The following PTPRD variants were observed in gnomAD, a reference collection of about 807,000 sequenced individuals.
PTPRD encodes the protein protein tyrosine phosphatase receptor type D, also known as receptor-type tyrosine-protein phosphatase delta.
A neutral mutation model predicts 214.5 loss-of-function variants in PTPRD; 34 were observed. That is an observed-to-expected ratio of 0.16 (90% CI 0.12 to 0.21). The LOEUF (loss-of-function observed/expected upper bound fraction) is 0.21, where lower values mean the gene tolerates loss of function less well. PTPRD is among the 10% of genes least tolerant of loss of function. The pLI is 1.00. For missense variants in PTPRD, 2,545 were observed against 2,398.7 expected, an observed-to-expected ratio of 1.06 and a Z score of -1.27; for synonymous variants, 1,128 against 845.7, an observed-to-expected ratio of 1.33 and a Z score of -5.79.
At chr9:9,832,249 A>G (rs954984576) in intron 5 of PTPRD, among the ~76,000 whole-genome samples, 5 of 152,002 alleles carry the variant, frequency 3.3e-5, no homozygotes, top group African/African-American at 1.2e-4. Context: ...AGCAGACGAA[A>G]GAGTATCTAC....
intron 3 of PTPRD, among the ~76,000 whole-genome samples, chr9:10,326,478 C>A (rs2096645042): frequency 6.6e-6 from 1 of 151,428 alleles, no homozygotes; most frequent in African/African-American, 2.4e-5. Flanking sequence ...TGCTAATGAG[C>A]CAAAGCCAAA....
At chr9:10,572,186 T>A (rs546090288) in intron 2 of PTPRD, among the ~76,000 whole-genome samples, 2 of 152,126 alleles carry the variant, frequency 1.3e-5, no homozygotes, top group Admixed American at 6.6e-5. Context: ...AAGTATAGAA[T>A]TTTTGGAAAA....
chr9:10,363,213 G>A (rs529034223), intron 2 of PTPRD, among the ~76,000 whole-genome samples: 9 of 152,198 alleles, frequency 5.9e-5, no homozygotes, highest in African/African-American at 1.9e-4. Flanking sequence ...TCTTGAATGA[G>A]GCCTGAAGTT....
At chr9:9,547,920 T>C (rs2079188036) in intron 8 of PTPRD, among the ~76,000 whole-genome samples, 1 of 151,920 alleles carries the variant, frequency 6.6e-6, no homozygotes, top group Non-Finnish European at 1.5e-5. Flanking sequence ...AGGCTTATTA[T>C]ATCAAAGAGA....
At chr9:9,328,150 A>G (rs1308142489) in intron 9 of PTPRD, among the ~76,000 whole-genome samples, 1 of 152,180 alleles carries the variant, frequency 6.6e-6, no homozygotes, top group East Asian at 1.9e-4. Flanking sequence ...TGACAAATCA[A>G]AAATTTAAAA....
chr9:8,675,362 T>C (rs1196280509), intron 12 of PTPRD, among the ~76,000 whole-genome samples: 1 of 151,904 alleles, frequency 6.6e-6, no homozygotes, highest in Non-Finnish European at 1.5e-5. Context: ...GTATAATAAA[T>C]GTTGACTATT....
At chr9:9,959,788 C>A (rs900182511) in intron 4 of PTPRD, among the ~76,000 whole-genome samples, 1 of 152,082 alleles carries the variant, frequency 6.6e-6, no homozygotes, top group African/African-American at 2.4e-5. Context: ...GCAGATAGAA[C>A]CAGCAGTGAG....
intron 7 of PTPRD, among the ~76,000 whole-genome samples, chr9:9,680,415 A>C (rs921480426): frequency 1.3e-5 from 2 of 151,882 alleles, no homozygotes; most frequent in African/African-American, 2.4e-5. Flanking sequence ...AAACATTTTC[A>C]AAAATTGCTA....
At chr9:10,443,303 G>A (rs1474060322) in intron 2 of PTPRD, among the ~76,000 whole-genome samples, 1 of 151,612 alleles carries the variant, frequency 6.6e-6, no homozygotes, top group East Asian at 1.9e-4. Context: ...AGTAATGTCT[G>A]ATGATAAATT....
intron 3 of PTPRD, among the ~76,000 whole-genome samples, chr9:10,231,240 T>A (rs899418266): frequency 1.3e-5 from 2 of 150,310 alleles, no homozygotes; most frequent in Admixed American, 1.3e-4. Flanking sequence ...GAAGAATATA[T>A]GAAATAATGA....
At chr9:8,694,001 C>A (rs1416573479) in intron 12 of PTPRD, among the ~76,000 whole-genome samples, 4 of 152,262 alleles carry the variant, frequency 2.6e-5, no homozygotes, top group East Asian at 1.9e-4. Flanking sequence ...CATTGGAAAT[C>A]TCAAAAGAAA....
chr9:8,498,493 G>C (rs2097325989), intron 25 of PTPRD, among the ~76,000 whole-genome samples: 2 of 152,132 alleles, frequency 1.3e-5, no homozygotes, highest in Admixed American at 1.3e-4. Context: ...GAGCAGGATG[G>C]TCTCGATCTC....
intron 11 of PTPRD, among the ~76,000 whole-genome samples, chr9:8,946,074 TC>T (rs1323974074): frequency 1.8e-4 from 28 of 152,266 alleles, no homozygotes; most frequent in African/African-American, 6.7e-4. Flanking sequence ...ACTAGGAACA[TC>T]CTTGCTAGCA....
At chr9:9,247,377 A>C (rs1196915895) in intron 9 of PTPRD, among the ~76,000 whole-genome samples, 1 of 146,318 alleles carries the variant, frequency 6.8e-6, no homozygotes, top group Non-Finnish European at 1.5e-5. Flanking sequence ...AAAATTAGAC[A>C]GTTTCTTCTT....
intron 12 of PTPRD, among the ~76,000 whole-genome samples, chr9:8,695,289 T>C (rs1028227687): frequency 2.0e-5 from 3 of 152,094 alleles, no homozygotes; most frequent in East Asian, 1.9e-4. Context: ...TTCACCAGGA[T>C]TGAATCACAT....
intron 11 of PTPRD, among the ~76,000 whole-genome samples, chr9:8,811,863 C>T (rs868281120): frequency 6.6e-6 from 1 of 152,168 alleles, no homozygotes; most frequent in Non-Finnish European, 1.5e-5. Flanking sequence ...TTCCACCTTT[C>T]GCTAAGGATC....
At chr9:8,916,158 G>C (rs2098784504) in intron 11 of PTPRD, among the ~76,000 whole-genome samples, 1 of 152,156 alleles carries the variant, frequency 6.6e-6, no homozygotes, top group African/African-American at 2.4e-5. Flanking sequence ...TACAGTCTGG[G>C]ACTCAGAAGA....
chr9:8,980,874 C>T (rs970503972), intron 11 of PTPRD, among the ~76,000 whole-genome samples: 1 of 152,044 alleles, frequency 6.6e-6, no homozygotes, highest in Non-Finnish European at 1.5e-5. Context: ...ATAAAAGAGA[C>T]CATGAACGGA....
intron 24 of PTPRD, among the ~76,000 whole-genome samples, chr9:8,500,518 T>C (rs184371198): frequency 1.8e-5 from 2 of 112,244 alleles, no homozygotes; most frequent in Non-Finnish European, 3.4e-5. Flanking sequence ...AACAGTTCTT[T>C]TAAAGAGAAG....
Sources: allele counts gnomAD v4.1 joint callset (sites outside exome capture counted in the v4.1 genomes callset), GRCh38; gene constraint gnomAD v4.1.1; transcripts MANE v1.5; gene names NCBI Gene and HGNC (gene_info 2026-07-23, HGNC 2026-07-21).